The following AK8 variants were observed in gnomAD, a reference collection of about 807,000 sequenced individuals.
AK8 encodes the protein adenylate kinase 8.
Under a neutral mutation model 54.6 loss-of-function variants are expected in AK8, and 44 were observed. The observed-to-expected ratio is 0.81, with a 90% CI of 0.63 to 1.04. The LOEUF (loss-of-function observed/expected upper bound fraction) is 1.04. AK8 is among the 50% of genes least tolerant of loss of function. AK8 has a pLI of 0.00. For synonymous variants in AK8, 239 were observed against 245.6 expected (o/e 0.97, Z 0.25); for missense variants, 555 against 613.6 (o/e 0.90, Z 1.01).
chr9:132,827,654 A>C (rs1000012), intron 7 of AK8, among the ~76,000 whole-genome samples: 30,966 of 152,030 alleles, frequency 0.2, 3,443 homozygotes, highest in East Asian at 0.44. Flanking sequence ...CTCCTGTATA[A>C]ATACCAAAGA....
At chr9:132,798,233 T>C (rs751281457) in intron 10 of AK8, among the ~76,000 whole-genome samples, 1 of 152,172 alleles carries the variant, frequency 6.6e-6, no homozygotes, top group Non-Finnish European at 1.5e-5. Context: ...ACCCTGCCTT[T>C]AGTGTAAATT....
At chr9:132,846,637 A>G (rs906825394) in intron 5 of AK8, among the ~76,000 whole-genome samples, 1 of 152,228 alleles carries the variant, frequency 6.6e-6, no homozygotes, top group Non-Finnish European at 1.5e-5. Flanking sequence ...GTGGAGGAAC[A>G]TATCAGGTGG....
rs868109551 is a variant in AK8 at position 132,742,359 on chromosome 9, G to A, written c.1122-14825C>T. 3.8e-4 allele frequency among the ~76,000 whole-genome samples: 58 copies of A among 152,130 alleles called. 1 individual carries two copies. The highest frequency in any genetic ancestry group is 1.3e-3 in the African/African-American group (54 of 41,506). ...CAGCTAATTTTTAAAAACATTTTTT[G>A]TAGAGACAGGGTCTCACCATATTGC... On this transcript the variant is annotated intron_variant, in intron 11 of 12. Transcript: ENST00000298545.
At chr9:132,852,786 A>G (rs905036575) in intron 5 of AK8, among the ~76,000 whole-genome samples, 7 of 149,828 alleles carry the variant, frequency 4.7e-5, no homozygotes, top group African/African-American at 7.3e-5. Context: ...AAAAAAAAAA[A>G]AAAAAAAAAG....
intron 2 of AK8, among the ~76,000 whole-genome samples, chr9:132,874,051 G>A (rs188816014): frequency 1.4e-4 from 22 of 152,298 alleles, no homozygotes; most frequent in East Asian, 9.7e-4. Flanking sequence ...CACCACCCCC[G>A]CCTGGGCATA....
chr9:132,877,402 T>TG, intron 1 of AK8, among the ~76,000 whole-genome samples: 1 of 152,114 alleles, frequency 6.6e-6, no homozygotes, highest in Non-Finnish European at 1.5e-5. Flanking sequence ...CCCCTGGGGA[T>TG]GGGGTGTACC....
rs937096142 is a variant in AK8, at chr9:132,799,564, C to T, written c.980-6789G>A. On this transcript the variant is annotated intron_variant, in intron 10 of 12. Transcript: ENST00000298545. The surrounding 1 kb of genome is among the most constrained non-coding windows in gnomAD (Gnocchi z 5.0). ...ACTACAACACACACAGGCACGCACA[C>T]ACACAGACATGTGCTCATGCACTCA... Among the ~76,000 whole-genome samples, 1 of 151,838 alleles carries T rather than the reference C, an allele frequency of 6.6e-6. No individual in the cohort carries two copies. Among genetic ancestry groups the T allele is most frequent in the Non-Finnish European group, 1.5e-5 (1 of 67,930 alleles).
Position 132,725,723 on chromosome 9 carries a change from C to A in AK8, c.1405G>T (p.Gly469Trp). 1 of 1,584,028 alleles carries A rather than the reference C, an allele frequency of 6.3e-7. No individual in the cohort carries two copies. The highest frequency in any genetic ancestry group is 8.6e-7 in the Non-Finnish European group (1 of 1,163,994). Reference protein sequence around the residue: ...PYTVFEYIESGIINPLPKKIP With the variant: ...PYTVFEYIESWIINPLPKKIP ...TTCTTGGGCAGGGGATTAATGATCC[C>A]ACTCTCGATGTATTCGAAGACTGTG... Residue 469 changes from glycine (G) to tryptophan (W), a missense_variant, in exon 13 of 13, where the codon GGG (glycine) becomes TGG (tryptophan). Coordinates refer to ENST00000298545, the MANE Select transcript of AK8 (RefSeq NM_152572.3).
chr9:132,845,075 C>T (rs989022521), intron 5 of AK8, among the ~76,000 whole-genome samples: 1 of 152,220 alleles, frequency 6.6e-6, no homozygotes, highest in Non-Finnish European at 1.5e-5. Flanking sequence ...CACGGTCCTG[C>T]TGCCAATGCT....
intron 11 of AK8, among the ~76,000 whole-genome samples, chr9:132,745,493 C>G (rs1397215484): frequency 6.6e-6 from 1 of 152,038 alleles, no homozygotes; most frequent in African/African-American, 2.4e-5. Flanking sequence ...CGAGCTGGGC[C>G]CCGGCAGAAA....
chr9:132,833,466 G>C (rs1024530320), intron 5 of AK8, among the ~76,000 whole-genome samples: 2 of 152,170 alleles, frequency 1.3e-5, no homozygotes, highest in African/African-American at 4.8e-5. Flanking sequence ...TCCCTAATTA[G>C]AATACATTAT....
chr9:132,753,660 C>A (rs546403454), intron 11 of AK8, among the ~76,000 whole-genome samples: 1 of 152,302 alleles, frequency 6.6e-6, no homozygotes, highest in African/African-American at 2.4e-5. Context: ...CCCAGGGTGG[C>A]CCAGCTGGGG....
chr9:132,839,139 T>C (rs1471910734), intron 5 of AK8, among the ~76,000 whole-genome samples: 1 of 152,122 alleles, frequency 6.6e-6, no homozygotes, highest in East Asian at 1.9e-4. Context: ...AGATGAGGTT[T>C]CACCATGTTG....
intron 5 of AK8, among the ~76,000 whole-genome samples, chr9:132,852,880 T>C (rs1460274319): frequency 6.7e-6 from 1 of 150,310 alleles, no homozygotes; most frequent in Non-Finnish European, 1.5e-5. Flanking sequence ...ATGCTTTGTG[T>C]TATTGGAGTT....
intron 2 of AK8, among the ~76,000 whole-genome samples, chr9:132,874,750 G>A (rs1844012636): frequency 6.6e-6 from 1 of 152,252 alleles, no homozygotes; most frequent in South Asian, 2.1e-4. Flanking sequence ...CCTGACAAGT[G>A]GAGTGATCAG....
At chr9:132,871,733 G>A (rs1843844960) in intron 2 of AK8, among the ~76,000 whole-genome samples, 2 of 152,240 alleles carry the variant, frequency 1.3e-5, no homozygotes, top group African/African-American at 4.8e-5. Flanking sequence ...GGAGCTTCAG[G>A]AAAGCCCCAG....
rs1836519902 is a variant in AK8 at position 132,725,635 on chromosome 9, G to A, written c.*53C>T. ...GGAGCTGTGCCGAGGCTGGGGGGCT[G>A]GGGGCAGGGGATTAACTCTTTCCCT... On this transcript the variant is annotated 3_prime_UTR_variant, in exon 13 of 13. Transcript: ENST00000298545. 2.7e-6 allele frequency: 4 copies of A among 1,466,226 alleles called. No individual in the cohort carries two copies. Among genetic ancestry groups the A allele is most frequent in the Admixed American group, 2.0e-5 (1 of 49,924 alleles). 90.8% of individuals were successfully genotyped at this position (1,466,226 alleles called of 1,614,324 possible).
chr9:132,841,110 A>G (rs1253300814), intron 5 of AK8, among the ~76,000 whole-genome samples: 2 of 152,330 alleles, frequency 1.3e-5, no homozygotes, highest in East Asian at 3.9e-4. Flanking sequence ...CTGTTACTTC[A>G]GAGCATGCGC....
chr9:132,826,014 T>C lies in AK8; in HGVS notation c.757+840A>G, dbSNP rs1841852814. Among the ~76,000 whole-genome samples, 1 of 152,202 alleles carries C rather than the reference T, an allele frequency of 6.6e-6. No homozygotes were observed. Among genetic ancestry groups the C allele is most frequent in the Non-Finnish European group, 1.5e-5 (1 of 68,036 alleles). On this transcript the variant is annotated intron_variant, in intron 8 of 12. Transcript: ENST00000298545. This position sits in a 1 kb window ranked among gnomAD's most constrained non-coding sequence, Gnocchi z 4.5. ...TGTTTGGGGATAGAATTATTCTACC[T>C]TGCCCTTGCCTTTTTGGGCAGGGTG...
Sources: gnomAD v4.1 joint callset for allele counts (sites outside exome capture counted in the v4.1 genomes callset) on GRCh38, gnomAD v4.1.1 for gene constraint, Gnocchi (gnomAD v3.1) non-coding constraint, MANE v1.5 for transcripts, NCBI Gene and HGNC (gene_info 2026-07-23, HGNC 2026-07-21) for gene names.